Variants in KMT2D observed in about 807,000 individuals in gnomAD.
The protein encoded by KMT2D is histone-lysine N-methyltransferase 2D.
Under a neutral mutation model 512.7 loss-of-function variants are expected in KMT2D, and 55 were observed. The ratio of observed to expected loss-of-function variants is 0.11; its 90% CI spans 0.09 to 0.13. The LOEUF is 0.13. Among genes scored for constraint, KMT2D ranks in the 10% least tolerant of loss-of-function variants. The pLI, the probability that KMT2D is intolerant of heterozygous loss-of-function variation, is 1.00. For missense variants in KMT2D, 6,061 were observed against 7,127.9 expected, an observed-to-expected ratio of 0.85 and a Z score of 5.39; for synonymous variants, 2,995 against 2,904.0, an observed-to-expected ratio of 1.03 and a Z score of -1.01.
At position 49,046,342 on chromosome 12, in the gene KMT2D, A is replaced by G. The variant is rs2120604802; in HGVS notation, c.4501T>C (p.Cys1501Arg). The G allele has an allele frequency of 6.2e-7, 1 of 1,613,652 alleles. No individual in the cohort carries two copies. Among genetic ancestry groups the G allele is most frequent in the South Asian group, 1.1e-5 (1 of 91,074 alleles). The change falls in exon 17 of 55, where the codon TGT (cysteine) becomes CGT (arginine). Residue 1501 changes from cysteine to arginine, a missense_variant. Physicochemically the swap from Cys to Arg is radical, Grantham distance 180 (BLOSUM62 -3). Around this residue, in one of 16 missense-constraint regions of KMT2D, gnomAD observed 640 missense variants for 814.3 expected, o/e 0.79. Transcript: ENST00000301067. This position sits in a 1 kb window ranked among gnomAD's most constrained non-coding sequence, Gnocchi z 4.2. The part of the protein sequence containing the change: ...WQNSYTHCGP[C>R]ASLVTCPICH... ...ATAGGGCAGGTCACCAGGCTGGCAC[A>G]GGGCCCACAGTGTGTGTAACTATTC...
intron 1 of KMT2D, 58 bp from the exon 2 acceptor site, chr12:49,055,419 T>C (rs1938351190): frequency 2.5e-6 from 3 of 1,193,154 alleles, no homozygotes; most frequent in South Asian, 2.8e-5. Context: ...GAAGCATTTT[T>C]CCCAGAATCC....
At chr12:49,027,742 C>A in intron 48 of KMT2D, 61 bp downstream of exon 48, 2 of 1,547,802 alleles carry the variant, frequency 1.3e-6, no homozygotes, top group Non-Finnish European at 1.7e-6. Context: ...ATGTGAGCCA[C>A]CGCGCCTGGC....
rs200315963 is a variant in KMT2D, at chr12:49,032,181, G to T, written c.12524C>A (p.Pro4175Gln). The change falls in exon 40 of 55, where the codon CCA (proline) becomes CAA (glutamine). Residue 4175 changes from proline to glutamine, a missense_variant. This residue lies in a region of KMT2D where 1,600 missense variants were observed against 1,754.9 expected (regional missense o/e 0.91). Coordinates refer to ENST00000301067, the MANE Select transcript of KMT2D (RefSeq NM_003482.4). ...CTGCCCAGACTGGAGGACAGGTCCT[G>T]GTTTGGGAGGTTGTGGCCCTGTATT... ...QNNTGPQPPK[P>Q]GPVLQSGQGL... 3.9e-4 allele frequency: 625 copies of T among 1,612,882 alleles called. 1 individual carries two copies. Among genetic ancestry groups the T allele is most frequent in the Non-Finnish European group, 4.6e-4 (547 of 1,179,220 alleles).
At chr12:49,049,534 G>C (rs573001134) in intron 12 of KMT2D, 148 bp downstream of exon 12, 182 of 863,262 alleles carry the variant, frequency 2.1e-4, no homozygotes, top group South Asian at 4.7e-4. Flanking sequence ...TCCCTTCTAC[G>C]TATTAGTATT....
chr12:49,043,846 C>T (rs1328617062), intron 23 of KMT2D, 22 bp downstream of exon 23: 15 of 1,613,932 alleles, frequency 9.3e-6, no homozygotes, highest in Non-Finnish European at 1.3e-5. Context: ...ACCTCCCTCA[C>T]TGCTTGGAGC....
intron 43 of KMT2D, among the ~76,000 whole-genome samples, chr12:49,029,757 C>A (rs1258683498): frequency 1.3e-5 from 2 of 150,934 alleles, no homozygotes; most frequent in South Asian, 2.1e-4. Flanking sequence ...CTCAAGCAAT[C>A]CTTCCATCTT....
intron 1 of KMT2D, 86 bp from the exon 2 acceptor site, chr12:49,055,447 G>A: frequency 1.3e-6 from 1 of 762,428 alleles, no homozygotes; most frequent in African/African-American, 1.8e-5. Flanking sequence ...AAGGCATCCA[G>A]ACCCTCCAGA....
Position 49,051,827 on chromosome 12 carries a change from G to A in KMT2D, c.1856C>T (p.Pro619Leu), listed in dbSNP as rs1431124702. The change falls in exon 11 of 55, where the codon CCA (proline) becomes CTA (leucine). Residue 619 changes from proline to leucine, a missense_variant. This residue lies in a region of KMT2D where 848 missense variants were observed against 838.5 expected (regional missense o/e 1.01). Coordinates refer to ENST00000301067, the MANE Select transcript of KMT2D (RefSeq NM_003482.4). ...GGACAGGCGTGATGCCTCAGGTGGT[G>A]GGGAAAGGGGAGACTCCTCAGGTGG... is the stretch of plus-strand genomic sequence containing the variant. Reference protein sequence around the residue: ...SPPPEESPLSPPPEASRLSPP... With the variant: ...SPPPEESPLSLPPEASRLSPP... 6.2e-7 allele frequency: 1 copy of A among 1,613,082 alleles called. No individual in the cohort carries two copies. The highest frequency in any genetic ancestry group is 8.5e-7 in the Non-Finnish European group (1 of 1,179,430).
chr12:49,027,320 C>T lies in KMT2D; in HGVS notation c.14646G>A (p.Glu4882=). The T allele has an allele frequency of 1.3e-6, 2 of 1,521,442 alleles. No homozygotes were observed. The highest frequency in any genetic ancestry group is 1.8e-6 in the Non-Finnish European group (2 of 1,138,042). 94.2% of individuals were successfully genotyped at this position (1,521,442 alleles called of 1,614,324 possible). A position where few individuals can be genotyped will look rare whatever the true frequency, so the allele number is the denominator to read the frequency against. ...QLDILSLLKQ[E]SPAPEPPTQH... ...GAGTGGGTGGCTCTGGGGCGGGGCTCTCCTGTAGGAGGGTGCCCTGTATCA... is the reference window on the plus strand; with the variant it reads ...GAGTGGGTGGCTCTGGGGCGGGGCTTTCCTGTAGGAGGGTGCCCTGTATCA... Residue 4882 remains glutamate (E), a splice_region_variant and synonymous_variant, in exon 49 of 55, where the codon GAG becomes GAA. Coordinates refer to ENST00000301067, the MANE Select transcript of KMT2D (RefSeq NM_003482.4).
intron 48 of KMT2D, 119 bp downstream of exon 48, chr12:49,027,684 G>A (rs1054482462): frequency 6.9e-6 from 9 of 1,300,180 alleles, no homozygotes; most frequent in African/African-American, 2.9e-5. Context: ...CAAACTCCTG[G>A]CCTAAAGTGA....
intron 49 of KMT2D, among the ~76,000 whole-genome samples, chr12:49,025,510 G>C (rs1032683141): frequency 2.6e-5 from 4 of 152,206 alleles, no homozygotes; most frequent in African/African-American, 9.7e-5. Flanking sequence ...CAGAGCCTAG[G>C]TGTGTAGTAT....
In KMT2D at chr12:49,032,024, C is replaced by A; in HGVS notation, c.12681G>T (p.Met4227Ile). 1 of 1,611,072 alleles carries A rather than the reference C, an allele frequency of 6.2e-7. No individual in the cohort carries two copies. Among genetic ancestry groups the A allele is most frequent in the Non-Finnish European group, 8.5e-7 (1 of 1,177,992 alleles). Residue 4227 changes from methionine to isoleucine, a missense_variant, in exon 40 of 55, where the codon ATG (methionine) becomes ATT (isoleucine). By Grantham distance (10) the Met-to-Ile change is conservative. Coordinates refer to ENST00000301067, the MANE Select transcript of KMT2D (RefSeq NM_003482.4). ...CCTGACTCTGCTGCAGCTGCCGCTGCATGAGGAGTGCCTGTAGCTGCTGCT... is the reference window on the plus strand; with the variant it reads ...CCTGACTCTGCTGCAGCTGCCGCTGAATGAGGAGTGCCTGTAGCTGCTGCT... ...QQQQQLQALL[M>I]QRQLQQSQAV...
At position 49,055,280 on chromosome 12, in the gene KMT2D, C is replaced by T. The variant is rs750506197; in HGVS notation, c.45G>A (p.Pro15=). The change falls in exon 2 of 55, where the codon CCG becomes CCA. Residue 15 remains proline (P), a synonymous_variant. Coordinates refer to ENST00000301067, the MANE Select transcript of KMT2D (RefSeq NM_003482.4). ...CAAACAATTTGTCCTACTCACCTGC[C>T]GGTTCTGAATCTTTATCCTCACCAG... The part of the protein sequence containing the change: ...KLAGEDKDSE[P]AADGPAASED... 5 of 1,613,874 alleles carry T rather than the reference C, an allele frequency of 3.1e-6. No individual in the cohort carries two copies. The highest frequency in any genetic ancestry group is 4.5e-5 in the East Asian group (2 of 44,890).
rs1414820905 is a variant in KMT2D at position 49,037,175 on chromosome 12, T to C, written c.10181A>G (p.Gln3394Arg). The change falls in exon 35 of 55, where the codon CAG becomes CGG. Residue 3394 changes from glutamine to arginine, a missense_variant. Around this residue, in one of 16 missense-constraint regions of KMT2D, gnomAD observed 533 missense variants for 539.6 expected, o/e 0.99. Transcript: ENST00000301067. ...TMPPSMCMKPQQLAMQQQLAN... is the reference protein window; with the variant it reads ...TMPPSMCMKPRQLAMQQQLAN... ...CAGCTGCTGCTGCATTGCCAATTGC[T>C]GCGGCTTCATGCACATGGAAGGTGG... 1 of 1,598,356 alleles carries C rather than the reference T, an allele frequency of 6.3e-7. No individual in the cohort carries two copies. Among genetic ancestry groups the C allele is most frequent in the Non-Finnish European group, 8.6e-7 (1 of 1,168,140 alleles).
intron 35 of KMT2D, chr12:49,035,669 C>T (rs964533566): frequency 1.3e-5 from 2 of 152,242 alleles, no homozygotes; most frequent in African/African-American, 4.8e-5. Context: ...AAGCGATTCT[C>T]CTGCCTCAGC....
intron 1 of KMT2D, among the ~76,000 whole-genome samples, chr12:49,058,400 C>T (rs1938539459): frequency 6.6e-6 from 1 of 152,210 alleles, no homozygotes; most frequent in African/African-American, 2.4e-5. Context: ...CCTATTTTCT[C>T]CTTTCCAAAA....
intron 44 of KMT2D, 23 bp from the exon 45 acceptor site, chr12:49,029,259 T>C (rs747367975): frequency 1.2e-6 from 2 of 1,607,620 alleles, no homozygotes; most frequent in East Asian, 4.5e-5. Flanking sequence ...AGTAGACATT[T>C]GTTGCTACAG....
chr12:49,043,920 C>A lies in KMT2D; in HGVS notation c.5267G>T (p.Arg1756Leu), dbSNP rs908795312. 6.2e-7 allele frequency: 1 copy of A among 1,614,076 alleles called. No individual in the cohort carries two copies. The highest frequency in any genetic ancestry group is 8.5e-7 in the Non-Finnish European group (1 of 1,179,908). Residue 1756 changes from arginine to leucine, a missense_variant, in exon 23 of 55, where the codon CGG (arginine) becomes CTG (leucine). Physicochemically the swap from Arg to Leu is moderately radical, Grantham distance 102 (BLOSUM62 -2). Coordinates refer to ENST00000301067, the MANE Select transcript of KMT2D (RefSeq NM_003482.4). ...AEGDEKKKQQ[R>L]RGRKKSKLED... ...CAGTTTGCTCTTCTTGCGCCCTCGC[C>A]GCTGTTGCTTCTTCTTCTCATCCCC...
At position 49,038,786 on chromosome 12, in the gene KMT2D, A is replaced by T. The variant is rs1378618776; in HGVS notation, c.8570T>A (p.Ile2857Asn). The change falls in exon 35 of 55, where the codon ATT becomes AAT. Residue 2857 changes from isoleucine (I) to asparagine (N), a missense_variant. Transcript: ENST00000301067. This position sits in a 1 kb window ranked among gnomAD's most constrained non-coding sequence, Gnocchi z 5.7. ...RQALGSPLAG[I>N]STRLPGPGEP... ...ACCAGGGCCTGGCAGACGGGTGGAA[A>T]TTCCCGCCAACGGGGAACCTAGGGC... 1 of 1,593,300 alleles carries T rather than the reference A, an allele frequency of 6.3e-7. No individual in the cohort carries two copies. Among genetic ancestry groups the T allele is most frequent in the South Asian group, 1.1e-5 (1 of 88,524 alleles).
Sources: gnomAD v4.1 joint callset for allele counts (sites outside exome capture counted in the v4.1 genomes callset) on GRCh38, gnomAD v4.1.1 for gene constraint, gnomAD v4.1.1 regional missense constraint, Gnocchi (gnomAD v3.1) non-coding constraint, MANE v1.5 for transcripts, NCBI Gene and HGNC (gene_info 2026-07-23, HGNC 2026-07-21) for gene names.